FAM110B: variants seen among roughly 807,000 people sequenced by gnomAD.
FAM110B encodes family with sequence similarity 110 member B, also known as protein FAM110B.
In FAM110B, 6 loss-of-function variants were observed where a neutral mutation model predicts 20.4. The observed-to-expected ratio is 0.29, with a 90% CI of 0.16 to 0.58. The LOEUF (loss-of-function observed/expected upper bound fraction) is 0.58, where lower values mean the gene tolerates loss of function less well. Ranked by LOEUF, FAM110B falls within the 20% of genes least tolerant of loss-of-function variation. The pLI is 0.90. For synonymous variants in FAM110B, 226 were observed against 214.1 expected (o/e 1.06, Z -0.49); for missense variants, 434 against 498.2 (o/e 0.87, Z 1.23).
chr8:58,131,601 C>G (rs888283372), intron 3 of FAM110B, among the ~76,000 whole-genome samples: 1 of 152,240 alleles, frequency 6.6e-6, no homozygotes, highest in African/African-American at 2.4e-5. Flanking sequence ...CCCTTCTTAT[C>G]TAAGTCAACA....
chr8:58,025,439 A>G (rs1414590195), intron 1 of FAM110B, among the ~76,000 whole-genome samples: 5 of 152,186 alleles, frequency 3.3e-5, no homozygotes, highest in African/African-American at 4.8e-5. Flanking sequence ...GGAACACAGC[A>G]AATGGGGACA....
At chr8:58,082,940 T>C (rs1161515135) in intron 3 of FAM110B, among the ~76,000 whole-genome samples, 1 of 151,400 alleles carries the variant, frequency 6.6e-6, no homozygotes, top group Non-Finnish European at 1.5e-5. Context: ...GCCTAGGAGT[T>C]TGTGGCTTCA....
chr8:58,086,367 A>T (rs930454651), intron 3 of FAM110B, among the ~76,000 whole-genome samples: 1 of 152,250 alleles, frequency 6.6e-6, no homozygotes, highest in Non-Finnish European at 1.5e-5. Flanking sequence ...CCAAATCTGC[A>T]ACAATTTTGA....
chr8:58,113,276 C>A, intron 3 of FAM110B: 1 of 182,586 alleles, frequency 5.5e-6, no homozygotes, highest in Admixed American at 5.2e-5. Flanking sequence ...GTCCAAGGAT[C>A]TTTCTTTGGT....
intron 1 of FAM110B, among the ~76,000 whole-genome samples, chr8:58,024,222 C>A (rs1345073554): frequency 7.1e-6 from 1 of 140,088 alleles, no homozygotes; most frequent in Non-Finnish European, 1.5e-5. Context: ...TCTGTTTCAA[C>A]TCGGTCCAAA....
intron 1 of FAM110B, among the ~76,000 whole-genome samples, chr8:58,012,946 G>A (rs541913974): frequency 6.6e-6 from 1 of 152,126 alleles, no homozygotes; most frequent in South Asian, 2.1e-4. Flanking sequence ...GGTGAAGTGA[G>A]CATTCCTATG....
At chr8:58,010,879 C>T (rs914759519) in intron 1 of FAM110B, among the ~76,000 whole-genome samples, 3 of 152,150 alleles carry the variant, frequency 2.0e-5, no homozygotes, top group Admixed American at 6.5e-5. Flanking sequence ...TCTACAGCTA[C>T]GGTGGAAAGC....
intron 3 of FAM110B, among the ~76,000 whole-genome samples, chr8:58,108,498 A>G (rs527616619): frequency 2.6e-4 from 39 of 152,302 alleles, no homozygotes; most frequent in African/African-American, 8.2e-4. Context: ...CTTAGATCCC[A>G]TGTGAGGCTT....
intron 3 of FAM110B, among the ~76,000 whole-genome samples, chr8:58,119,851 A>G (rs1165299239): frequency 6.6e-6 from 1 of 152,160 alleles, no homozygotes; most frequent in Non-Finnish European, 1.5e-5. Context: ...ATCTCATTCT[A>G]CATCCTCAAC....
At chr8:58,064,799 G>T (rs1369327873) in intron 2 of FAM110B, among the ~76,000 whole-genome samples, 1 of 152,146 alleles carries the variant, frequency 6.6e-6, no homozygotes, top group East Asian at 1.9e-4. Context: ...TTTACAAAAG[G>T]TTACCAGCTA....
At chr8:58,068,381 G>A (rs968012051) in intron 2 of FAM110B, among the ~76,000 whole-genome samples, 1 of 152,126 alleles carries the variant, frequency 6.6e-6, no homozygotes, top group Non-Finnish European at 1.5e-5. Context: ...TTGAATTTAT[G>A]GACCATGAGT....
intron 1 of FAM110B, among the ~76,000 whole-genome samples, chr8:58,019,306 C>A (rs1350142965): frequency 7.9e-6 from 1 of 126,384 alleles, no homozygotes; most frequent in Non-Finnish European, 1.6e-5. Context: ...CCACTGCACT[C>A]CAGCCTGGCG....
chr8:58,073,571 A>G (rs1805957164), intron 2 of FAM110B, among the ~76,000 whole-genome samples: 1 of 152,246 alleles, frequency 6.6e-6, no homozygotes, highest in Non-Finnish European at 1.5e-5. Context: ...ATATGTTAAT[A>G]GATTTACATC....
At chr8:58,085,624 A>G (rs536307241) in intron 3 of FAM110B, among the ~76,000 whole-genome samples, 2 of 152,346 alleles carry the variant, frequency 1.3e-5, no homozygotes, top group South Asian at 2.1e-4. Context: ...AAAGTTTCAC[A>G]TTCATTTTTA....
rs574077395 is a variant in FAM110B at position 58,036,877 on chromosome 8, A to C, written c.-414+5174A>C. On this transcript the variant is annotated intron_variant, in intron 2 of 3. Coordinates refer to ENST00000519262, the MANE Select transcript of FAM110B (RefSeq NM_001377989.1). ...AGTTCTTCAACCTCTTCAAACCCTA[A>C]GAATTTGAATTTTTCTTCTCCAAGT... Among the ~76,000 whole-genome samples the C allele has an allele frequency of 2.0e-5, 3 of 152,306 alleles. No individual in the cohort carries two copies. The South Asian group carries it at 6.2e-4, about 32-fold the overall frequency.
chr8:58,115,129 G>T (rs755072710), intron 3 of FAM110B, among the ~76,000 whole-genome samples: 12 of 151,780 alleles, frequency 7.9e-5, no homozygotes, highest in Non-Finnish European at 1.5e-4. Flanking sequence ...TTGCTCATCG[G>T]CTTGTACCCA....
chr8:58,112,892 T>G (rs1311197267), intron 3 of FAM110B, among the ~76,000 whole-genome samples: 1 of 152,176 alleles, frequency 6.6e-6, no homozygotes, highest in African/African-American at 2.4e-5. Context: ...TACCCTTGAG[T>G]AGCTTAAACT....
intron 3 of FAM110B, among the ~76,000 whole-genome samples, chr8:58,111,532 A>G (rs1807057151): frequency 6.6e-6 from 1 of 152,238 alleles, no homozygotes; most frequent in Non-Finnish European, 1.5e-5. Context: ...AACATTAGAC[A>G]TCTACAGAAG....
At chr8:58,006,923 A>ATATATTTTTTTTTTTTTTT in intron 1 of FAM110B, among the ~76,000 whole-genome samples, 6 of 126,516 alleles carry the variant, frequency 4.7e-5, no homozygotes, top group Non-Finnish European at 6.6e-5. Context: ...ATATATATAT[A>ATATATTTTTTTTTTTTTTT]TTTTTCCAAA....
Sources: gnomAD v4.1 joint callset for allele counts (sites outside exome capture counted in the v4.1 genomes callset) on GRCh38, gnomAD v4.1.1 for gene constraint, MANE v1.5 for transcripts, NCBI Gene and HGNC (gene_info 2026-07-23, HGNC 2026-07-21) for gene names.